Variants in TRIM2 observed in about 807,000 individuals in gnomAD.
The protein encoded by TRIM2 is tripartite motif containing 2.
A neutral mutation model predicts 75.2 loss-of-function variants in TRIM2; 20 were observed. The observed-to-expected ratio is 0.27, with a 90% CI of 0.19 to 0.39. The LOEUF is 0.39. Among genes scored for constraint, TRIM2 ranks in the 10% least tolerant of loss-of-function variants. TRIM2 has a pLI of 1.00. For synonymous variants in TRIM2, 373 were observed against 388.3 expected (o/e 0.96, Z 0.46); for missense variants, 660 against 990.8 (o/e 0.67, Z 4.48).
intron 6 of TRIM2, among the ~76,000 whole-genome samples, chr4:153,303,769 C>T (rs960231732): frequency 2.0e-5 from 3 of 152,220 alleles, no homozygotes; most frequent in Non-Finnish European, 4.4e-5. Context: ...ACCCTAAATA[C>T]ATGTATTAAT....
intron 1 of TRIM2, 51 bp from the exon 2 acceptor site, chr4:153,270,284 T>C: frequency 1.0e-5 from 16 of 1,562,882 alleles, no homozygotes; most frequent in Non-Finnish European, 1.4e-5. Flanking sequence ...GTGATTGACT[T>C]GTACCTACAG....
intron 1 of TRIM2, among the ~76,000 whole-genome samples, chr4:153,191,858 C>T (rs77503323): frequency 2.1e-4 from 32 of 152,266 alleles, no homozygotes; most frequent in Non-Finnish European, 3.2e-4. Flanking sequence ...CTAAAGTCAT[C>T]GTGCCGCAAG....
In TRIM2 at chr4:153,307,915, G is replaced by C. The variant is rs1765376191; in HGVS notation, c.1511-7570G>C. On this transcript the variant is annotated intron_variant, in intron 6 of 11. Transcript: ENST00000338700. ...ATGATTCTGATCAGGACCTTATCTT[G>C]AGTCCCCATGCCCATTATGGAGTCG... 3 of 752,062 alleles carry C rather than the reference G, an allele frequency of 4.0e-6. No homozygotes were observed. In the African/African-American group the frequency reaches 5.1e-5, roughly 13 times the overall value. The allele number at this position is 752,062 out of a possible 1,614,324, so 46.6% of individuals were successfully genotyped here.
intron 11 of TRIM2, among the ~76,000 whole-genome samples, chr4:153,328,939 ATAC>A (rs1770844905): frequency 1.3e-5 from 2 of 152,210 alleles, no homozygotes; most frequent in South Asian, 2.1e-4. Context: ...TTGAATAAAA[ATAC>A]TACATTATTA....
At chr4:153,200,960 T>C (rs1185912091), upstream of TRIM2, among the ~76,000 whole-genome samples, 2 of 151,510 alleles carry the variant, frequency 1.3e-5, no homozygotes, top group African/African-American at 2.4e-5. Context: ...TCTCATTTGG[T>C]TTTTTGGGTT....
intron 1 of TRIM2, among the ~76,000 whole-genome samples, chr4:153,223,712 C>T (rs1403170125): frequency 2.0e-5 from 3 of 152,222 alleles, no homozygotes; most frequent in South Asian, 4.1e-4. Context: ...TCGTTCCGAC[C>T]TGTAATCCAA....
chr4:153,291,304 C>T (rs1761798834), intron 3 of TRIM2, among the ~76,000 whole-genome samples: 1 of 152,026 alleles, frequency 6.6e-6, no homozygotes, highest in African/African-American at 2.4e-5. Context: ...AGGAGGTGTC[C>T]CTTGGTTGGT....
chr4:153,204,313 CAATATCTT>C, upstream of TRIM2: 1 of 581,812 alleles, frequency 1.7e-6, no homozygotes, highest in East Asian at 2.8e-5. Context: ...GAATGAAACA[CAATATCTT>C]AAGCAAACAG....
chr4:153,301,944 C>T (rs570112323), intron 6 of TRIM2, among the ~76,000 whole-genome samples: 1 of 152,258 alleles, frequency 6.6e-6, no homozygotes, highest in South Asian at 2.1e-4. Flanking sequence ...TTTGGCTTAA[C>T]ATTGCTTTGG....
intron 3 of TRIM2, among the ~76,000 whole-genome samples, chr4:153,287,464 A>G (rs760562516): frequency 6.6e-6 from 1 of 152,092 alleles, no homozygotes. Context: ...TTTGCCATTT[A>G]CTATTCTTTT....
intron 1 of TRIM2, among the ~76,000 whole-genome samples, chr4:153,189,554 C>T (rs1732969855): frequency 6.6e-6 from 1 of 152,150 alleles, no homozygotes; most frequent in Admixed American, 6.5e-5. Context: ...CTGGGAAATT[C>T]TCCTGCCTAA....
intron 1 of TRIM2, among the ~76,000 whole-genome samples, chr4:153,178,308 A>T (rs1386416594): frequency 6.6e-6 from 1 of 151,966 alleles, no homozygotes; most frequent in African/African-American, 2.4e-5. Flanking sequence ...CAGCGCCCCA[A>T]CCCCACGCCG....
chr4:153,268,928 C>G (rs1755955718), intron 1 of TRIM2, among the ~76,000 whole-genome samples: 1 of 152,140 alleles, frequency 6.6e-6, no homozygotes, highest in Admixed American at 6.5e-5. Flanking sequence ...AGCCTTTGTC[C>G]CTACCCCATA....
intron 9 of TRIM2, among the ~76,000 whole-genome samples, chr4:153,323,101 T>G (rs1448611490): frequency 6.6e-6 from 1 of 152,208 alleles, no homozygotes; most frequent in Non-Finnish European, 1.5e-5. Context: ...AAGGTATAAA[T>G]TTTAAAATAA....
chr4:153,266,640 C>CTTTTTTTTTTT (rs35140648), intron 1 of TRIM2, among the ~76,000 whole-genome samples: 1 of 131,278 alleles, frequency 7.6e-6, no homozygotes, highest in African/African-American at 3.0e-5. Context: ...TGTGCCCGAC[C>CTTTTTTTTTTT]TTTTTTTTTT....
chr4:153,291,969 G>A (rs1046827757), intron 3 of TRIM2, among the ~76,000 whole-genome samples: 4 of 151,874 alleles, frequency 2.6e-5, no homozygotes, highest in African/African-American at 9.7e-5. Context: ...TAAATAAGTG[G>A]TGAAGCCAGG....
At chr4:153,217,550 T>G (rs1560828595) in intron 1 of TRIM2, among the ~76,000 whole-genome samples, 1 of 152,028 alleles carries the variant, frequency 6.6e-6, no homozygotes, top group African/African-American at 2.4e-5. Flanking sequence ...AACCAGCACT[T>G]AAAAAAGAGA....
intron 11 of TRIM2, among the ~76,000 whole-genome samples, chr4:153,331,147 C>T (rs1771393754): frequency 6.6e-6 from 1 of 152,054 alleles, no homozygotes; most frequent in Non-Finnish European, 1.5e-5. Flanking sequence ...CACAGGACGA[C>T]ACTATCTCTA....
rs370134748 is a variant in TRIM2, at chr4:153,267,584, G to GAGCTTGCAGTGAGGCGA, written c.31-2750_31-2734dup. On this transcript the variant is annotated intron_variant, in intron 1 of 11. Transcript: ENST00000338700. ...GAGAATGTTGTGAATCCGGGAGGCG[G>GAGCTTGCAGTGAGGCGA]AGCTTGCAGTGAGGCGAGATCGCGC... Among the ~76,000 whole-genome samples, 171 of 152,334 alleles carry GAGCTTGCAGTGAGGCGA rather than the reference G, an allele frequency of 1.1e-3. 1 individual carries two copies. Among genetic ancestry groups the GAGCTTGCAGTGAGGCGA allele is most frequent in the African/African-American group, 3.8e-3 (160 of 41,572 alleles).
Sources: allele counts gnomAD v4.1 joint callset (sites outside exome capture counted in the v4.1 genomes callset), GRCh38; gene constraint gnomAD v4.1.1; transcripts MANE v1.5; gene names NCBI Gene and HGNC (gene_info 2026-07-23, HGNC 2026-07-21).